CADM2: variants seen among roughly 807,000 people sequenced by gnomAD.
CADM2 encodes the protein cell adhesion molecule 2.
Under a neutral mutation model 49.8 loss-of-function variants are expected in CADM2, and 12 were observed. The observed-to-expected ratio is 0.24, with a 90% CI of 0.15 to 0.39. The LOEUF (loss-of-function observed/expected upper bound fraction) is 0.39. CADM2 is among the 10% of genes least tolerant of loss of function. The pLI, the probability that CADM2 is intolerant of heterozygous loss-of-function variation, is 1.00. For synonymous variants in CADM2, 214 were observed against 175.4 expected (o/e 1.22, Z -1.74); for missense variants, 378 against 492.3 (o/e 0.77, Z 2.20).
chr3:85,402,592 G>A (rs1233361311), intron 1 of CADM2, among the ~76,000 whole-genome samples: 1 of 152,108 alleles, frequency 6.6e-6, no homozygotes, highest in East Asian at 1.9e-4. Context: ...GTTATTAAGT[G>A]TATGAACTAC....
chr3:85,699,486 G>A (rs1193254705), intron 1 of CADM2, among the ~76,000 whole-genome samples: 8 of 152,238 alleles, frequency 5.3e-5, no homozygotes, highest in Non-Finnish European at 1.2e-4. Flanking sequence ...TCTAGGTGGA[G>A]GATCCCAAGC....
At chr3:85,149,775 T>G (rs2107643831) in intron 1 of CADM2, among the ~76,000 whole-genome samples, 1 of 152,356 alleles carries the variant, frequency 6.6e-6, no homozygotes, top group East Asian at 1.9e-4. Context: ...CGTTTTATTT[T>G]ATTTTTAAAA....
chr3:85,122,927 A>G (rs552718368), intron 1 of CADM2, among the ~76,000 whole-genome samples: 13 of 152,048 alleles, frequency 8.5e-5, no homozygotes, highest in Non-Finnish European at 1.6e-4. Flanking sequence ...TTAAACCTCA[A>G]ACTGAGCTAA....
intron 8 of CADM2, among the ~76,000 whole-genome samples, chr3:86,021,836 G>T (rs1733229820): frequency 6.6e-6 from 1 of 152,156 alleles, no homozygotes; most frequent in South Asian, 2.1e-4. Flanking sequence ...GATAGGGAAA[G>T]AAATGGAAAG....
chr3:85,396,420 G>A (rs1361567415), intron 1 of CADM2, among the ~76,000 whole-genome samples: 1 of 151,650 alleles, frequency 6.6e-6, no homozygotes, highest in African/African-American at 2.4e-5. Flanking sequence ...TATGAGACTG[G>A]CAATGACTCT....
intron 2 of CADM2, among the ~76,000 whole-genome samples, chr3:85,734,021 C>T (rs1577189632): frequency 6.6e-6 from 1 of 151,946 alleles, no homozygotes; most frequent in Non-Finnish European, 1.5e-5. Flanking sequence ...GTTAGTGGGA[C>T]ATTTTTAAAA....
intron 8 of CADM2, among the ~76,000 whole-genome samples, chr3:85,991,200 A>G (rs1728736010): frequency 2.6e-5 from 4 of 152,064 alleles, no homozygotes; most frequent in African/African-American, 9.7e-5. Context: ...TTTTTGCACT[A>G]TGGCCATCCT....
intron 1 of CADM2, among the ~76,000 whole-genome samples, chr3:84,972,882 T>G (rs927975060): frequency 1.2e-4 from 19 of 152,124 alleles, no homozygotes; most frequent in Admixed American, 1.2e-3. Context: ...ACATAATTCC[T>G]TTCTTAGTTT....
intron 8 of CADM2, among the ~76,000 whole-genome samples, chr3:85,966,834 T>C (rs1368261502): frequency 6.6e-6 from 1 of 151,666 alleles, no homozygotes; most frequent in Non-Finnish European, 1.5e-5. Context: ...CTTTTTATGT[T>C]TCCAGGATAA....
At chr3:86,023,392 G>T (rs1577981968) in intron 8 of CADM2, among the ~76,000 whole-genome samples, 1 of 120,494 alleles carries the variant, frequency 8.3e-6, no homozygotes. Flanking sequence ...GTTTTGTTTT[G>T]TTTTTTTGAG....
At chr3:85,885,105 G>A (rs146884180) in intron 4 of CADM2, among the ~76,000 whole-genome samples, 22 of 152,090 alleles carry the variant, frequency 1.4e-4, no homozygotes, top group African/African-American at 5.3e-4. Context: ...ATTATAATTT[G>A]TTAATGGATA....
intron 1 of CADM2, among the ~76,000 whole-genome samples, chr3:85,178,898 A>G (rs1253458392): frequency 1.3e-5 from 2 of 151,956 alleles, no homozygotes; most frequent in South Asian, 2.1e-4. Flanking sequence ...TATAGCACCT[A>G]TTTTCTCCAT....
intron 1 of CADM2, among the ~76,000 whole-genome samples, chr3:85,346,912 A>G (rs2030719786): frequency 6.6e-6 from 1 of 152,138 alleles, no homozygotes; most frequent in Admixed American, 6.6e-5. Context: ...TAAAAACGTG[A>G]AAAAAAGCAT....
At chr3:85,714,476 G>C (rs1363058327) in intron 1 of CADM2, among the ~76,000 whole-genome samples, 2 of 152,012 alleles carry the variant, frequency 1.3e-5, no homozygotes, top group African/African-American at 4.8e-5. Context: ...ACCCAGGCTG[G>C]AGTGCAGTGG....
chr3:85,941,252 T>A (rs1721858241), intron 7 of CADM2, among the ~76,000 whole-genome samples: 1 of 152,036 alleles, frequency 6.6e-6, no homozygotes, highest in South Asian at 2.1e-4. Context: ...AACTCAGAAG[T>A]CTTACTTATA....
intron 1 of CADM2, among the ~76,000 whole-genome samples, chr3:85,667,558 A>G (rs2065606193): frequency 6.6e-6 from 1 of 152,044 alleles, no homozygotes; most frequent in Non-Finnish European, 1.5e-5. Context: ...TGGAGAACAC[A>G]ATTTGCATTC....
chr3:85,317,507 C>T (rs1001819351), intron 1 of CADM2, among the ~76,000 whole-genome samples: 6 of 152,144 alleles, frequency 3.9e-5, no homozygotes, highest in Non-Finnish European at 7.4e-5. Flanking sequence ...AAATTATTTT[C>T]TCATGGTTAT....
intron 8 of CADM2, among the ~76,000 whole-genome samples, chr3:85,985,372 T>C (rs1201772546): frequency 1.3e-5 from 2 of 151,980 alleles, no homozygotes; most frequent in Non-Finnish European, 2.9e-5. Context: ...CAGCTCTTAA[T>C]ATCATCACCT....
chr3:85,967,849 A>G (rs1725657182), intron 8 of CADM2, among the ~76,000 whole-genome samples: 2 of 151,550 alleles, frequency 1.3e-5, no homozygotes, highest in South Asian at 4.2e-4. Context: ...TGGGGAAGGA[A>G]AAAAAGAAGC....
Sources: allele counts gnomAD v4.1 joint callset (sites outside exome capture counted in the v4.1 genomes callset), GRCh38; gene constraint gnomAD v4.1.1; transcripts MANE v1.5; gene names NCBI Gene and HGNC (gene_info 2026-07-23, HGNC 2026-07-21).